Variants in NPAS3 observed in about 807,000 individuals in gnomAD.
NPAS3 encodes the protein neuronal PAS domain-containing protein 3.
Under a neutral mutation model 73.1 loss-of-function variants are expected in NPAS3, and 14 were observed. The ratio of observed to expected loss-of-function variants is 0.19; its 90% CI spans 0.13 to 0.30. The LOEUF (loss-of-function observed/expected upper bound fraction) is 0.30, where lower values mean the gene tolerates loss of function less well. Ranked by LOEUF, NPAS3 falls within the 10% of genes least tolerant of loss-of-function variation. The pLI, the probability that NPAS3 is intolerant of heterozygous loss-of-function variation, is 1.00. For synonymous variants in NPAS3, 620 were observed against 541.5 expected, an observed-to-expected ratio of 1.14 and a Z score of -2.01; for missense variants, 1,096 against 1,250.0, an observed-to-expected ratio of 0.88 and a Z score of 1.86.
At chr14:32,962,150 C>T (rs2036949690) in intron 1 of NPAS3, among the ~76,000 whole-genome samples, 1 of 151,980 alleles carries the variant, frequency 6.6e-6, no homozygotes, top group Non-Finnish European at 1.5e-5. Flanking sequence ...TAGGGTCTTT[C>T]TGTAATAAAG....
At chr14:33,209,237 C>T (rs546842770) in intron 2 of NPAS3, among the ~76,000 whole-genome samples, 20 of 151,906 alleles carry the variant, frequency 1.3e-4, no homozygotes, top group East Asian at 1.9e-4. Flanking sequence ...ATTATGTTAC[C>T]GTTACCTTAT....
chr14:33,633,626 T>C (rs2058438281), intron 5 of NPAS3, among the ~76,000 whole-genome samples: 1 of 152,170 alleles, frequency 6.6e-6, no homozygotes, highest in South Asian at 2.1e-4. Context: ...AGAAAAGGCA[T>C]AGTAAAAATA....
intron 4 of NPAS3, among the ~76,000 whole-genome samples, chr14:33,462,271 G>A (rs998585705): frequency 2.6e-5 from 4 of 152,122 alleles, no homozygotes; most frequent in Non-Finnish European, 5.9e-5. Flanking sequence ...CTGAAGGCAC[G>A]AGACCAGCTA....
At chr14:33,587,847 G>A (rs1168610349) in intron 5 of NPAS3, among the ~76,000 whole-genome samples, 1 of 152,172 alleles carries the variant, frequency 6.6e-6, no homozygotes, top group East Asian at 1.9e-4. Flanking sequence ...AGCTTCAACA[G>A]CTATGTCTGC....
At chr14:33,462,230 A>T (rs184587411) in intron 4 of NPAS3, among the ~76,000 whole-genome samples, 1 of 152,200 alleles carries the variant, frequency 6.6e-6, no homozygotes, top group Non-Finnish European at 1.5e-5. Context: ...AAGTCGAACA[A>T]CCTTTCTGGA....
Position 33,327,797 on chromosome 14 carries a change from G to A in NPAS3, c.386-39389G>A, listed in dbSNP as rs541676901. ...GTTAAGGAAACATAAAGTTACTGCA[G>A]TTGGCTGGACCGGAGAGTGCATGAA... On this transcript the variant is annotated intron_variant, in intron 3 of 11. Coordinates refer to ENST00000356141, the Ensembl canonical transcript of NPAS3. Among the ~76,000 whole-genome samples the A allele has an allele frequency of 6.6e-4, 100 of 152,324 alleles. 5 individuals are homozygous for A. In the South Asian group the frequency reaches 0.021, roughly 32 times the overall value.
intron 7 of NPAS3, among the ~76,000 whole-genome samples, chr14:33,756,048 C>T (rs2062106176): frequency 6.6e-6 from 1 of 152,166 alleles, no homozygotes; most frequent in Non-Finnish European, 1.5e-5. Context: ...CCACCTCCAA[C>T]ATTGAGGATC....
At chr14:33,003,604 T>A (rs1370678431) in intron 1 of NPAS3, among the ~76,000 whole-genome samples, 1 of 152,186 alleles carries the variant, frequency 6.6e-6, no homozygotes, top group Non-Finnish European at 1.5e-5. Flanking sequence ...CCATCATGAG[T>A]TATCTTCCCT....
At chr14:33,325,480 TA>T (rs1219213654) in intron 3 of NPAS3, among the ~76,000 whole-genome samples, 1 of 152,082 alleles carries the variant, frequency 6.6e-6, no homozygotes, top group Non-Finnish European at 1.5e-5. Flanking sequence ...ACCCTGTCTC[TA>T]CTAAAAATAT....
At chr14:33,128,548 C>G (rs1035938376) in intron 2 of NPAS3, among the ~76,000 whole-genome samples, 1 of 152,066 alleles carries the variant, frequency 6.6e-6, no homozygotes, top group Non-Finnish European at 1.5e-5. Flanking sequence ...GAAATTATGA[C>G]TTTTGTGCTA....
At chr14:33,641,826 G>A (rs2058683068) in intron 5 of NPAS3, among the ~76,000 whole-genome samples, 1 of 152,018 alleles carries the variant, frequency 6.6e-6, no homozygotes, top group East Asian at 1.9e-4. Context: ...ATGGTACAGC[G>A]GCATCGTGTC....
chr14:33,474,216 T>G (rs533580509), intron 4 of NPAS3, among the ~76,000 whole-genome samples: 1 of 152,318 alleles, frequency 6.6e-6, no homozygotes, highest in East Asian at 1.9e-4. Context: ...GGGAAAAGAC[T>G]GTTAGAAAGG....
chr14:33,450,116 A>G (rs927665781), intron 4 of NPAS3, among the ~76,000 whole-genome samples: 3 of 152,232 alleles, frequency 2.0e-5, no homozygotes, highest in Admixed American at 6.5e-5. Flanking sequence ...ACAAGTTCTC[A>G]TTGGATATAC....
intron 6 of NPAS3, among the ~76,000 whole-genome samples, chr14:33,686,097 G>T (rs1043891818): frequency 1.5e-4 from 23 of 152,224 alleles, no homozygotes; most frequent in African/African-American, 5.5e-4. Flanking sequence ...TCAGTGAGCA[G>T]CTCAATGATT....
At chr14:33,386,225 C>T (rs2138535233) in intron 4 of NPAS3, among the ~76,000 whole-genome samples, 1 of 152,186 alleles carries the variant, frequency 6.6e-6, no homozygotes, top group African/African-American at 2.4e-5. Context: ...AAACTGTTTT[C>T]TACCCTTTTA....
chr14:32,960,569 G>C (rs965080789), intron 1 of NPAS3, among the ~76,000 whole-genome samples: 8 of 152,080 alleles, frequency 5.3e-5, no homozygotes, highest in Admixed American at 5.2e-4. Context: ...CACTATTACA[G>C]CTTTCATTAA....
At chr14:33,178,102 G>C (rs1199099773) in intron 2 of NPAS3, among the ~76,000 whole-genome samples, 1 of 134,766 alleles carries the variant, frequency 7.4e-6, no homozygotes. Flanking sequence ...TGGAGACAGA[G>C]TCTTGCTCTG....
chr14:33,040,368 G>T (rs1270393117), intron 1 of NPAS3, among the ~76,000 whole-genome samples: 1 of 152,156 alleles, frequency 6.6e-6, no homozygotes, highest in Non-Finnish European at 1.5e-5. Flanking sequence ...GAACTGAAGT[G>T]CTGGGTAGGA....
At chr14:33,215,739 ATTC>A (rs1481556421) in intron 3 of NPAS3, among the ~76,000 whole-genome samples, 1 of 152,164 alleles carries the variant, frequency 6.6e-6, no homozygotes, top group South Asian at 2.1e-4. Flanking sequence ...TTACATACAA[ATTC>A]TTCTTCATGA....
Sources: allele counts gnomAD v4.1 joint callset (sites outside exome capture counted in the v4.1 genomes callset), GRCh38; gene constraint gnomAD v4.1.1; transcripts MANE v1.5; gene names NCBI Gene and HGNC (gene_info 2026-07-23, HGNC 2026-07-21).